The following EPHA6 variants were observed in gnomAD, a reference collection of about 807,000 sequenced individuals.
EPHA6 encodes the protein EPH receptor A6.
In EPHA6, 50 loss-of-function variants were observed where a neutral mutation model predicts 112.0. That is an observed-to-expected ratio of 0.45 (90% confidence interval 0.36 to 0.56). The LOEUF (loss-of-function observed/expected upper bound fraction) is 0.56. EPHA6 is among the 20% of genes least tolerant of loss of function. The pLI is 0.00. For missense variants in EPHA6, 1,280 were observed against 1,417.4 expected, an observed-to-expected ratio of 0.90 and a Z score of 1.56; for synonymous variants, 529 against 490.7, an observed-to-expected ratio of 1.08 and a Z score of -1.03.
At position 97,750,068 on chromosome 3, in the gene EPHA6, AT is replaced by A. The variant is rs950583590; in HGVS notation, c.*1368del. On this transcript the variant is annotated 3_prime_UTR_variant, in exon 18 of 18. Coordinates refer to ENST00000389672, the MANE Select transcript of EPHA6 (RefSeq NM_001080448.3). ...AGTTGGCTTATCAAAATTGTGCTAT[AT>A]CTTATGAACAAATTAAATTATAAAA... Among the ~76,000 whole-genome samples, 30 of 152,184 alleles carry A rather than the reference AT, an allele frequency of 2.0e-4. No individual in the cohort carries two copies. The highest frequency in any genetic ancestry group is 6.8e-4 in the African/African-American group (28 of 41,444).
chr3:96,991,249 A>G (rs34524014), intron 3 of EPHA6, among the ~76,000 whole-genome samples: 11,617 of 152,258 alleles, frequency 0.076, 762 homozygotes, highest in Admixed American at 0.22. Context: ...TCTGTTATTC[A>G]TTGCTATGAG....
chr3:97,365,183 A>G (rs560077710), intron 5 of EPHA6, among the ~76,000 whole-genome samples: 1 of 152,338 alleles, frequency 6.6e-6, no homozygotes, highest in African/African-American at 2.4e-5. Flanking sequence ...TCATAATCAT[A>G]TTCATTTAGA....
intron 10 of EPHA6, among the ~76,000 whole-genome samples, chr3:97,526,350 G>A (rs1047056096): frequency 1.3e-5 from 2 of 152,218 alleles, no homozygotes; most frequent in East Asian, 1.9e-4. Flanking sequence ...AAACAGACAG[G>A]CATGTCTCCT....
At chr3:97,014,298 T>C (rs1364129734) in intron 3 of EPHA6, among the ~76,000 whole-genome samples, 1 of 152,000 alleles carries the variant, frequency 6.6e-6, no homozygotes, top group Non-Finnish European at 1.5e-5. Flanking sequence ...ACTTCCTTCC[T>C]TCCTTTCCGT....
At chr3:97,295,292 C>T (rs746003928) in intron 5 of EPHA6, among the ~76,000 whole-genome samples, 53 of 152,104 alleles carry the variant, frequency 3.5e-4, no homozygotes, top group South Asian at 1.0e-3. Flanking sequence ...TTTTGTCTGA[C>T]ATAGTAATTT....
At chr3:97,072,505 A>G (rs2108164841) in intron 3 of EPHA6, among the ~76,000 whole-genome samples, 1 of 152,110 alleles carries the variant, frequency 6.6e-6, no homozygotes, top group East Asian at 1.9e-4. Flanking sequence ...AACCCTGCCT[A>G]CATCTTGATA....
intron 14 of EPHA6, among the ~76,000 whole-genome samples, chr3:97,661,972 C>T (rs555288331): frequency 7.2e-5 from 11 of 152,032 alleles, no homozygotes; most frequent in Non-Finnish European, 4.4e-5. Context: ...AAAAAGTATC[C>T]CTCTTCCCCC....
At chr3:97,644,959 C>T (rs1254331034) in intron 14 of EPHA6, among the ~76,000 whole-genome samples, 1 of 151,634 alleles carries the variant, frequency 6.6e-6, no homozygotes, top group Non-Finnish European at 1.5e-5. Context: ...CATTCTGATA[C>T]CAAAGCCGGG....
At chr3:96,830,926 A>T (rs898425396) in intron 1 of EPHA6, among the ~76,000 whole-genome samples, 1 of 152,054 alleles carries the variant, frequency 6.6e-6, no homozygotes, top group African/African-American at 2.4e-5. Context: ...ATAACTATGG[A>T]AGGTAATGCA....
chr3:96,876,586 G>A (rs923533511), intron 2 of EPHA6, among the ~76,000 whole-genome samples: 3 of 151,704 alleles, frequency 2.0e-5, no homozygotes, highest in Admixed American at 6.6e-5. Context: ...CTTTCCTACC[G>A]TTTAACCTGT....
intron 3 of EPHA6, among the ~76,000 whole-genome samples, chr3:97,064,685 T>C (rs938151690): frequency 3.3e-5 from 5 of 152,198 alleles, no homozygotes; most frequent in Admixed American, 2.0e-4. Flanking sequence ...CGTTTAGAGG[T>C]AATGACATTT....
intron 1 of EPHA6, among the ~76,000 whole-genome samples, chr3:96,827,427 T>A (rs1250365636): frequency 6.6e-6 from 1 of 151,932 alleles, no homozygotes; most frequent in African/African-American, 2.4e-5. Context: ...GTTAAAAAAA[T>A]GTGTAGAGAA....
At chr3:96,890,706 G>A (rs2037904435) in intron 2 of EPHA6, among the ~76,000 whole-genome samples, 1 of 152,202 alleles carries the variant, frequency 6.6e-6, no homozygotes, top group Non-Finnish European at 1.5e-5. Context: ...TATGGGGCAA[G>A]TAGAGCTCTC....
At chr3:97,022,309 T>A (rs914908000) in intron 3 of EPHA6, among the ~76,000 whole-genome samples, 2 of 152,196 alleles carry the variant, frequency 1.3e-5, no homozygotes, top group Non-Finnish European at 2.9e-5. Flanking sequence ...CCAGCTATAT[T>A]AAAATGAAAC....
intron 2 of EPHA6, among the ~76,000 whole-genome samples, chr3:96,955,362 A>G (rs905317833): frequency 1.3e-5 from 2 of 152,130 alleles, no homozygotes; most frequent in Admixed American, 6.5e-5. Flanking sequence ...TTTTATTTGT[A>G]TATGTGCATA....
intron 11 of EPHA6, among the ~76,000 whole-genome samples, chr3:97,546,434 G>T (rs1300683952): frequency 3.3e-5 from 5 of 152,210 alleles, no homozygotes; most frequent in Admixed American, 3.3e-4. Context: ...AGAGAGATCA[G>T]CTGTTAGTCT....
chr3:96,857,126 A>G (rs1346416286), intron 1 of EPHA6, among the ~76,000 whole-genome samples: 2 of 152,070 alleles, frequency 1.3e-5, no homozygotes, highest in Non-Finnish European at 2.9e-5. Context: ...TCAAACCTAC[A>G]TTTGCTGTCT....
At chr3:97,541,171 T>C (rs2092843866) in intron 11 of EPHA6, among the ~76,000 whole-genome samples, 2 of 152,234 alleles carry the variant, frequency 1.3e-5, no homozygotes, top group Admixed American at 1.3e-4. Flanking sequence ...GGTAAGGTCC[T>C]CATTTAATCC....
chr3:97,232,577 CGACTT>C (rs1489300547), intron 4 of EPHA6, among the ~76,000 whole-genome samples: 1 of 152,136 alleles, frequency 6.6e-6, no homozygotes, highest in Non-Finnish European at 1.5e-5. Context: ...AGGCCTGCAG[CGACTT>C]GATTCCTACC....
Sources: allele counts gnomAD v4.1 joint callset (sites outside exome capture counted in the v4.1 genomes callset), GRCh38; gene constraint gnomAD v4.1.1; transcripts MANE v1.5; gene names NCBI Gene and HGNC (gene_info 2026-07-23, HGNC 2026-07-21).